Variants in TBC1D1 observed in about 807,000 individuals in gnomAD.
TBC1D1 encodes TBC1 (tre-2/USP6, BUB2, cdc16) domain family, member 1.
A neutral mutation model predicts 125.6 loss-of-function variants in TBC1D1; 89 were observed. That is an observed-to-expected ratio of 0.71 (90% confidence interval 0.60 to 0.85). TBC1D1 has a LOEUF of 0.85. Ranked by LOEUF, TBC1D1 falls within the 40% of genes least tolerant of loss-of-function variation. The pLI is 0.00. For missense variants in TBC1D1, 1,377 were observed against 1,469.2 expected (o/e 0.94, Z 1.03); for synonymous variants, 565 against 564.1 (o/e 1.00, Z -0.02).
chr4:38,009,659 A>G (rs1185750814), intron 2 of TBC1D1, among the ~76,000 whole-genome samples: 3 of 152,210 alleles, frequency 2.0e-5, no homozygotes, highest in Non-Finnish European at 4.4e-5. Flanking sequence ...AACAGTATTC[A>G]CTTATGCATG....
intron 2 of TBC1D1, among the ~76,000 whole-genome samples, chr4:37,936,930 A>G (rs138772439): frequency 1.3e-5 from 2 of 152,358 alleles, no homozygotes; most frequent in African/African-American, 4.8e-5. Context: ...TCAAGGACCA[A>G]CCCTGGCAGA....
chr4:38,108,467 A>G (rs1241257090), intron 15 of TBC1D1, among the ~76,000 whole-genome samples: 1 of 152,238 alleles, frequency 6.6e-6, no homozygotes, highest in Non-Finnish European at 1.5e-5. Context: ...ATTAATCTGC[A>G]TATTATAGGT....
chr4:38,029,198 TTG>T (rs1206501868), intron 7 of TBC1D1, among the ~76,000 whole-genome samples: 5 of 152,114 alleles, frequency 3.3e-5, no homozygotes, highest in African/African-American at 1.2e-4. Context: ...ATATCTCCTT[TTG>T]AGGGGCGGGC....
intron 2 of TBC1D1, among the ~76,000 whole-genome samples, chr4:37,923,427 T>A (rs1269747476): frequency 6.6e-6 from 1 of 152,182 alleles, no homozygotes; most frequent in Non-Finnish European, 1.5e-5. Flanking sequence ...TGTGCATGTG[T>A]GTTTATAGTA....
intron 12 of TBC1D1, among the ~76,000 whole-genome samples, chr4:38,075,947 C>T (rs1755520766): frequency 6.6e-6 from 1 of 152,106 alleles, no homozygotes; most frequent in African/African-American, 2.4e-5. Context: ...AATGTCTAAC[C>T]AGCTCTTCTC....
chr4:38,045,970 C>T, intron 10 of TBC1D1, 67 bp downstream of exon 10: 1 of 1,337,566 alleles, frequency 7.5e-7, no homozygotes, highest in East Asian at 2.3e-5. Context: ...CATCTCCTGT[C>T]TACATACCTC....
At chr4:37,936,784 A>G (rs924514269) in intron 2 of TBC1D1, among the ~76,000 whole-genome samples, 4 of 152,192 alleles carry the variant, frequency 2.6e-5, no homozygotes, top group African/African-American at 9.6e-5. Context: ...TGGGATTTTT[A>G]TCTGTTTTGT....
intron 2 of TBC1D1, among the ~76,000 whole-genome samples, chr4:37,927,728 T>A (rs1242824716): frequency 1.3e-5 from 2 of 152,230 alleles, no homozygotes; most frequent in East Asian, 3.8e-4. Context: ...GTTTGGTTAA[T>A]GCACTTTCAA....
In TBC1D1 at chr4:37,995,962, C is replaced by G; in HGVS notation, c.418-18547C>G. On this transcript the variant is annotated intron_variant, in intron 2 of 19. Transcript: ENST00000261439. This position sits in a 1 kb window ranked among gnomAD's most constrained non-coding sequence, Gnocchi z 4.3. ...CCACACTCAAGGACTTCTTTCTTCT[C>G]TTGCCTCTCTGTTTCTACCTCATCC... The G allele has an allele frequency of 1.8e-6, 1 of 560,292 alleles. No individual in the cohort carries two copies. The highest frequency in any genetic ancestry group is 1.4e-5 in the South Asian group (1 of 72,028). 34.7% of individuals were successfully genotyped at this position (560,292 alleles called of 1,614,324 possible). A position where few individuals can be genotyped will look rare whatever the true frequency, so the allele number is the denominator to read the frequency against.
Position 38,125,004 on chromosome 4 carries a change from C to T in TBC1D1, c.3005C>T (p.Ala1002Val), listed in dbSNP as rs759153196. ...GGAACAGAGGTCATATTTAAAGTGG[C>T]TTTAAGTCTGTTGGGAAGCCATAAG... The change falls in exon 18 of 20, where the codon GCT becomes GTT. Residue 1002 changes from alanine to valine, a missense_variant. Ala to Val is a moderately conservative substitution (Grantham distance 64, BLOSUM62 0). Coordinates refer to ENST00000261439, the MANE Select transcript of TBC1D1 (RefSeq NM_015173.4). 44 of 1,614,078 alleles carry T rather than the reference C, an allele frequency of 2.7e-5. No homozygotes were observed. The highest frequency in any genetic ancestry group is 3.7e-5 in the Non-Finnish European group (44 of 1,180,002).
chr4:38,017,215 G>T (rs1742938457), intron 3 of TBC1D1, among the ~76,000 whole-genome samples: 2 of 152,218 alleles, frequency 1.3e-5, no homozygotes, highest in Non-Finnish European at 2.9e-5. Context: ...TCTTCATTAT[G>T]TAGGTAAAGA....
chr4:38,053,289 C>CA, intron 11 of TBC1D1, 64 bp downstream of exon 13: 1 of 1,232,070 alleles, frequency 8.1e-7, no homozygotes, highest in Non-Finnish European at 1.0e-6. Context: ...ATTAGATATA[C>CA]AAGGGTGTTT....
intron 10 of TBC1D1, among the ~76,000 whole-genome samples, chr4:38,047,778 G>T (rs1578419356): frequency 6.6e-6 from 1 of 152,216 alleles, no homozygotes; most frequent in South Asian, 2.1e-4. Context: ...AGGGGTGAGG[G>T]GGCAGTGATG....
intron 8 of TBC1D1, among the ~76,000 whole-genome samples, chr4:38,042,597 A>G (rs933585225): frequency 6.6e-6 from 1 of 152,126 alleles, no homozygotes; most frequent in African/African-American, 2.4e-5. Flanking sequence ...TTTAAGCCTC[A>G]TGACAGCTCT....
intron 12 of TBC1D1, among the ~76,000 whole-genome samples, chr4:38,058,486 G>T (rs1039129456): frequency 6.6e-6 from 1 of 152,124 alleles, no homozygotes; most frequent in African/African-American, 2.4e-5. Flanking sequence ...GCCTGCAGCC[G>T]CTGGACTCAC....
chr4:37,969,494 T>C (rs902416662), intron 2 of TBC1D1, among the ~76,000 whole-genome samples: 5 of 152,186 alleles, frequency 3.3e-5, no homozygotes, highest in Non-Finnish European at 5.9e-5. Flanking sequence ...AGGCATCCAC[T>C]ACCACCATGC....
chr4:38,133,222 C>G lies in TBC1D1; in HGVS notation c.3271C>G (p.Arg1091Gly). 6.2e-7 allele frequency: 1 copy of G among 1,614,110 alleles called. No individual in the cohort carries two copies. ...ATTAGAGAAAACCAACAGCAGCTTA[C>G]GCAAACAGAACCTTGACCTCCTTGA... Residue 1091 changes from arginine (R) to glycine (G), a missense_variant, in exon 19 of 20, where the codon CGC becomes GGC. Around this residue, in one of 3 missense-constraint regions of TBC1D1, gnomAD observed 543 missense variants for 613.5 expected, o/e 0.89. Coordinates refer to ENST00000261439, the MANE Select transcript of TBC1D1 (RefSeq NM_015173.4).
chr4:38,104,421 G>C (rs912681823), intron 15 of TBC1D1, among the ~76,000 whole-genome samples: 6 of 152,346 alleles, frequency 3.9e-5, no homozygotes, highest in Non-Finnish European at 7.3e-5. Context: ...CACAGGGCCA[G>C]GTGGCAATGC....
intron 2 of TBC1D1, among the ~76,000 whole-genome samples, chr4:37,954,530 A>G (rs570325425): frequency 6.6e-6 from 1 of 152,298 alleles, no homozygotes; most frequent in South Asian, 2.1e-4. Context: ...AATCATTATT[A>G]GGTAGAATTA....
Sources: allele counts gnomAD v4.1 joint callset (sites outside exome capture counted in the v4.1 genomes callset), GRCh38; gene constraint gnomAD v4.1.1; regional missense constraint gnomAD v4.1.1; non-coding constraint Gnocchi (gnomAD v3.1); transcripts MANE v1.5; gene names NCBI Gene and HGNC (gene_info 2026-07-23, HGNC 2026-07-21).